The following GRIK1 variants were observed in gnomAD, a reference collection of about 807,000 sequenced individuals.
GRIK1 encodes glutamate receptor ionotropic, kainate 1.
GRIK1 carries 69 observed loss-of-function variants against 105.7 expected under a neutral mutation model. That is an observed-to-expected ratio of 0.65 (90% CI 0.54 to 0.80). GRIK1 has a LOEUF of 0.80. Ranked by LOEUF, GRIK1 falls within the 30% of genes least tolerant of loss-of-function variation. The pLI, the probability that GRIK1 is intolerant of heterozygous loss-of-function variation, is 0.00. For missense variants in GRIK1, 1,109 were observed against 1,167.3 expected, an observed-to-expected ratio of 0.95 and a Z score of 0.73; for synonymous variants, 438 against 431.3, an observed-to-expected ratio of 1.02 and a Z score of -0.19.
rs1451062333 is a variant in GRIK1 at position 29,598,866 on chromosome 21, CA to C, written c.1169del (p.Leu390ArgfsTer40). 3 of 1,575,890 alleles carry C rather than the reference CA, an allele frequency of 1.9e-6. No individual in the cohort carries two copies. The South Asian group carries it at 3.4e-5, about 18-fold the overall frequency. On this transcript the variant is annotated frameshift_variant, in exon 8 of 18. Transcript: ENST00000327783. LOFTEE classifies it high-confidence loss of function. ...CTTCCTCTTTGAGACTAATAATGTC[CA>C]GATCAAAATCCTTCCTCAAGCCATT... ...KTNGLRKDFD[L>X]DIISLKEEGT...
At chr21:29,860,993 A>G (rs1331246587) in intron 1 of GRIK1, among the ~76,000 whole-genome samples, 1 of 151,932 alleles carries the variant, frequency 6.6e-6, no homozygotes. Context: ...AATTCATTTC[A>G]TCTGGTTTTT....
chr21:29,623,458 A>C (rs1336547897), intron 7 of GRIK1, among the ~76,000 whole-genome samples: 2 of 152,020 alleles, frequency 1.3e-5, no homozygotes, highest in African/African-American at 4.8e-5. Flanking sequence ...TAAAAAAAAA[A>C]ATCAATAGGA....
chr21:29,619,814 C>T (rs1039825852), intron 7 of GRIK1, among the ~76,000 whole-genome samples: 3 of 152,120 alleles, frequency 2.0e-5, no homozygotes, highest in African/African-American at 4.8e-5. Flanking sequence ...TTTCCCACAG[C>T]CCCAGATTCA....
intron 4 of GRIK1, among the ~76,000 whole-genome samples, chr21:29,669,906 T>C (rs2146633097): frequency 6.6e-6 from 1 of 152,210 alleles, no homozygotes; most frequent in South Asian, 2.1e-4. Flanking sequence ...CAGTTTTTTC[T>C]CCAGGGCAAA....
chr21:29,573,485 A>G (rs530068339), intron 14 of GRIK1, among the ~76,000 whole-genome samples: 1 of 152,264 alleles, frequency 6.6e-6, no homozygotes. Flanking sequence ...CACACCTGTA[A>G]TTCCAGCACT....
intron 1 of GRIK1, among the ~76,000 whole-genome samples, chr21:29,772,124 CA>C (rs1246566228): frequency 6.6e-6 from 1 of 152,218 alleles, no homozygotes; most frequent in Non-Finnish European, 1.5e-5. Context: ...GTTCTTTTTA[CA>C]GGCACATTTT....
chr21:29,920,670 A>G (rs1054447370), intron 1 of GRIK1, among the ~76,000 whole-genome samples: 3 of 152,058 alleles, frequency 2.0e-5, no homozygotes, highest in Non-Finnish European at 4.4e-5. Context: ...CTGCTCATTC[A>G]TATGTATCCA....
chr21:29,792,368 A>G (rs2066442390), intron 1 of GRIK1, among the ~76,000 whole-genome samples: 1 of 152,196 alleles, frequency 6.6e-6, no homozygotes, highest in Admixed American at 6.5e-5. Context: ...CATGATTACC[A>G]TTATTTGAAA....
Position 29,560,582 on chromosome 21 carries a change from T to C in GRIK1, c.2356+1042A>G, listed in dbSNP as rs180992096. Reference sequence around the variant, plus strand: ...TTTCTTTCTTTCTTTCTTTCTCTCTTTCTTTCTTTCTCTCCTTCCTTCCTT... The same window carrying C: ...TTTCTTTCTTTCTTTCTTTCTCTCTCTCTTTCTTTCTCTCCTTCCTTCCTT... On this transcript the variant is annotated intron_variant, in intron 15 of 17. Coordinates refer to ENST00000327783, the MANE Select transcript of GRIK1 (RefSeq NM_001330994.2). Among the ~76,000 whole-genome samples the C allele has an allele frequency of 3.9e-3, 453 of 116,262 alleles. 17 individuals carry two copies. The highest frequency in any genetic ancestry group is 4.8e-3 in the Non-Finnish European group (270 of 56,592). 76.3% of individuals were successfully genotyped at this position (116,262 alleles called of 152,430 possible).
At chr21:29,588,806 A>T (rs758591017) in intron 11 of GRIK1, 33 bp downstream of exon 11, 5 of 1,134,162 alleles carry the variant, frequency 4.4e-6, no homozygotes, top group African/African-American at 1.5e-5. Context: ...TCTTATGCAT[A>T]TTTTCAGATA....
At chr21:29,789,792 T>C (rs57123455) in intron 1 of GRIK1, among the ~76,000 whole-genome samples, 3,017 of 152,284 alleles carry the variant, frequency 0.02, 97 homozygotes, top group African/African-American at 0.069. Context: ...GATTGCTGCA[T>C]GGAGAAAAGC....
chr21:29,777,625 C>T (rs915263329), intron 1 of GRIK1, among the ~76,000 whole-genome samples: 2 of 152,102 alleles, frequency 1.3e-5, no homozygotes, highest in African/African-American at 4.8e-5. Context: ...AAGCAGGGAA[C>T]GAATATCTGG....
intron 15 of GRIK1, among the ~76,000 whole-genome samples, chr21:29,560,342 T>A (rs1218939002): frequency 8.6e-6 from 1 of 115,996 alleles, no homozygotes; most frequent in African/African-American, 3.6e-5. Context: ...TTTCTTTCTT[T>A]CTTTCTTTCT....
At chr21:29,810,634 TC>T (rs2066985854) in intron 1 of GRIK1, among the ~76,000 whole-genome samples, 1 of 152,180 alleles carries the variant, frequency 6.6e-6, no homozygotes, top group Non-Finnish European at 1.5e-5. Flanking sequence ...TTTCTTTTTT[TC>T]ACTTATTAAA....
At chr21:29,801,191 C>G (rs1331730149) in intron 1 of GRIK1, among the ~76,000 whole-genome samples, 5 of 151,916 alleles carry the variant, frequency 3.3e-5, no homozygotes, top group African/African-American at 1.2e-4. Context: ...TTCTTCTACA[C>G]TGGCCTCCCA....
At chr21:29,880,826 T>C (rs2069380146) in intron 1 of GRIK1, among the ~76,000 whole-genome samples, 1 of 152,078 alleles carries the variant, frequency 6.6e-6, no homozygotes. Context: ...GGCCCAACCA[T>C]GGGTTTATGA....
chr21:29,738,606 ACTTTTT>A (rs2064853514), intron 1 of GRIK1, among the ~76,000 whole-genome samples: 1 of 152,200 alleles, frequency 6.6e-6, no homozygotes, highest in South Asian at 2.1e-4. Context: ...CAAAGCAACG[ACTTTTT>A]CTTTTTCTCT....
At chr21:29,546,339 A>G (rs985805831) in intron 16 of GRIK1, among the ~76,000 whole-genome samples, 1 of 152,186 alleles carries the variant, frequency 6.6e-6, no homozygotes, top group Non-Finnish European at 1.5e-5. Flanking sequence ...CACTGCCTAC[A>G]CGCTGTTATT....
rs1158380723 is a variant in GRIK1, at chr21:29,618,247, C to A, written c.1099-19310G>T. Among the ~76,000 whole-genome samples the A allele has an allele frequency of 2.0e-5, 3 of 151,774 alleles. No individual in the cohort carries two copies. The South Asian group carries it at 6.2e-4, about 31-fold the overall frequency. On this transcript the variant is annotated intron_variant, in intron 7 of 17. Coordinates refer to ENST00000327783, the MANE Select transcript of GRIK1 (RefSeq NM_001330994.2). ...TTACTTGTCTGCTTCTCCTGATTAACTTTTGATTCACTGAGGGCAGGGCAT... is the reference window on the plus strand; with the variant it reads ...TTACTTGTCTGCTTCTCCTGATTAAATTTTGATTCACTGAGGGCAGGGCAT...
Sources: gnomAD v4.1 joint callset for allele counts (sites outside exome capture counted in the v4.1 genomes callset) on GRCh38, gnomAD v4.1.1 for gene constraint, MANE v1.5 for transcripts, NCBI Gene and HGNC (gene_info 2026-07-23, HGNC 2026-07-21) for gene names.